Variants in PAK5 observed in about 807,000 individuals in gnomAD.
PAK5 encodes the protein p21 (RAC1) activated kinase 5, also known as serine/threonine-protein kinase PAK 5.
A neutral mutation model predicts 65.9 loss-of-function variants in PAK5; 16 were observed. The ratio of observed to expected loss-of-function variants is 0.24; its 90% CI spans 0.16 to 0.37. The LOEUF is 0.37. Ranked by LOEUF, PAK5 falls within the 10% of genes least tolerant of loss-of-function variation. PAK5 has a pLI of 1.00. For synonymous variants in PAK5, 371 were observed against 354.9 expected, an observed-to-expected ratio of 1.05 and a Z score of -0.51; for missense variants, 785 against 903.9, an observed-to-expected ratio of 0.87 and a Z score of 1.69.
intron 3 of PAK5, among the ~76,000 whole-genome samples, chr20:9,641,104 A>G (rs574998527): frequency 6.6e-6 from 1 of 152,218 alleles, no homozygotes; most frequent in Admixed American, 6.5e-5. Context: ...TCCCTGAGCT[A>G]GATACAAAGG....
At chr20:9,549,064 T>C (rs961928943) in intron 7 of PAK5, among the ~76,000 whole-genome samples, 1 of 152,152 alleles carries the variant, frequency 6.6e-6, no homozygotes, top group African/African-American at 2.4e-5. Flanking sequence ...GTAGTTGTGA[T>C]ACGTGGTCCA....
At position 9,539,586 on chromosome 20, in the gene PAK5, A is replaced by G; in HGVS notation, c.2036T>C (p.Leu679Ser). 6 of 1,613,620 alleles carry G rather than the reference A, an allele frequency of 3.7e-6. No individual in the cohort carries two copies. Among genetic ancestry groups the G allele is most frequent in the South Asian group, 1.1e-5 (1 of 91,058 alleles). ...CTGAGAGGGCTCCCTCACCAACATC[A>G]AGTCTAGGAATCCCCGGAGCACTGA... The part of the protein sequence containing the change: ...VSSVLRGFLD[L>S]MLVREPSQRA... The change falls in exon 10 of 10, where the codon TTG (leucine) becomes TCG (serine). Residue 679 changes from leucine (L) to serine (S), a missense_variant. By Grantham distance (145) the Leu-to-Ser change is moderately radical. This residue lies in a region of PAK5 where 110 missense variants were observed against 107.4 expected (regional missense o/e 1.02). Coordinates refer to ENST00000353224, the MANE Select transcript of PAK5 (RefSeq NM_177990.4).
chr20:9,574,065 C>T (rs2045841622), intron 4 of PAK5, among the ~76,000 whole-genome samples: 3 of 152,158 alleles, frequency 2.0e-5, no homozygotes, highest in South Asian at 2.1e-4. Flanking sequence ...TTTAACAGGA[C>T]CAGGCTTGGC....
intron 2 of PAK5, among the ~76,000 whole-genome samples, chr20:9,677,818 A>G (rs547261294): frequency 2.0e-5 from 3 of 152,372 alleles, no homozygotes; most frequent in East Asian, 3.9e-4. Flanking sequence ...AGGACAGTAT[A>G]GTGGCTTTCT....
At chr20:9,544,534 A>G (rs1349562883) in intron 7 of PAK5, 40 bp from the exon 8 acceptor site, 1 of 1,596,986 alleles carries the variant, frequency 6.3e-7, no homozygotes, top group East Asian at 2.2e-5. Context: ...CAATTTTAAA[A>G]CAATGTCTGC....
At chr20:9,593,957 G>C (rs2046219758) in intron 3 of PAK5, among the ~76,000 whole-genome samples, 2 of 152,156 alleles carry the variant, frequency 1.3e-5, no homozygotes, top group South Asian at 2.1e-4. Flanking sequence ...TAACCTGTAG[G>C]AAAGGCTAAG....
At chr20:9,618,121 C>G (rs192421457) in intron 3 of PAK5, among the ~76,000 whole-genome samples, 16 of 152,198 alleles carry the variant, frequency 1.1e-4, no homozygotes, top group African/African-American at 3.4e-4. Context: ...TAATGTGGCT[C>G]TCACACAACT....
At chr20:9,559,686 C>G (rs2045563647) in intron 6 of PAK5, among the ~76,000 whole-genome samples, 1 of 152,048 alleles carries the variant, frequency 6.6e-6, no homozygotes, top group South Asian at 2.1e-4. Context: ...TTGCTTGAAC[C>G]TGGGAGGCAG....
chr20:9,792,713 G>T (rs2049062604), intron 1 of PAK5, among the ~76,000 whole-genome samples: 1 of 152,130 alleles, frequency 6.6e-6, no homozygotes, highest in Non-Finnish European at 1.5e-5. Context: ...TTTCAGAGAT[G>T]ACTGATATTC....
chr20:9,768,312 T>C (rs114375659), intron 1 of PAK5, among the ~76,000 whole-genome samples: 3,824 of 151,940 alleles, frequency 0.025, 159 homozygotes, highest in African/African-American at 0.086. Context: ...CACATGGACA[T>C]AAACATAGGA....
intron 9 of PAK5, among the ~76,000 whole-genome samples, chr20:9,541,521 C>T (rs2045263211): frequency 6.6e-6 from 1 of 152,208 alleles, no homozygotes; most frequent in African/African-American, 2.4e-5. Flanking sequence ...CCCTTTCTGA[C>T]TTTACTCCAG....
chr20:9,568,088 G>A (rs1212863175), intron 4 of PAK5, among the ~76,000 whole-genome samples: 1 of 152,166 alleles, frequency 6.6e-6, no homozygotes, highest in Non-Finnish European at 1.5e-5. Flanking sequence ...CCGAGAAGCT[G>A]CCGGGGGACA....
chr20:9,538,027 G>T lies in PAK5; in HGVS notation c.*1435C>A, dbSNP rs1401816243. Reference sequence around the variant, plus strand: ...GAAAAGCCTCTGTTTTCCCAGTTTGGTAACAAATGGCTTTTGTCTGATGCA... The same window carrying T: ...GAAAAGCCTCTGTTTTCCCAGTTTGTTAACAAATGGCTTTTGTCTGATGCA... On this transcript the variant is annotated 3_prime_UTR_variant, in exon 10 of 10. Transcript: ENST00000353224. 1.7e-5 allele frequency: 4 copies of T among 232,610 alleles called. No homozygotes were observed. The highest frequency in any genetic ancestry group is 8.8e-5 in the African/African-American group (4 of 45,384). 14.4% of individuals were successfully genotyped at this position (232,610 alleles called of 1,614,324 possible).
rs554142396 is a variant in PAK5, at chr20:9,632,164, T to G, written c.204+11961A>C. 5.9e-5 allele frequency among the ~76,000 whole-genome samples: 9 copies of G among 152,284 alleles called. No homozygotes were observed. The South Asian group carries it at 1.5e-3, about 25-fold the overall frequency. The stretch of plus-strand genomic sequence containing the variant: ...GAGCTGGGGAAAAGAAGATGTCCCC[T>G]AGAATATCATTTCACATTATATAGA... On this transcript the variant is annotated intron_variant, in intron 3 of 9. Coordinates refer to ENST00000353224, the MANE Select transcript of PAK5 (RefSeq NM_177990.4).
At chr20:9,817,588 T>C (rs1600406655) in intron 1 of PAK5, among the ~76,000 whole-genome samples, 3 of 152,072 alleles carry the variant, frequency 2.0e-5, no homozygotes, top group Non-Finnish European at 1.5e-5. Context: ...AAAAAATATG[T>C]AGAAAGTAAA....
intron 6 of PAK5, among the ~76,000 whole-genome samples, chr20:9,561,756 C>T (rs985905271): frequency 1.3e-5 from 2 of 152,212 alleles, no homozygotes; most frequent in Admixed American, 1.3e-4. Context: ...AATACCTCTT[C>T]CTCATGACAA....
At chr20:9,798,922 T>C (rs1054493973) in intron 1 of PAK5, among the ~76,000 whole-genome samples, 3 of 152,140 alleles carry the variant, frequency 2.0e-5, no homozygotes, top group African/African-American at 7.2e-5. Flanking sequence ...AGCAATATTT[T>C]TTAACAAGAT....
intron 1 of PAK5, among the ~76,000 whole-genome samples, chr20:9,751,257 C>A (rs1317113126): frequency 6.6e-6 from 1 of 152,094 alleles, no homozygotes; most frequent in Non-Finnish European, 1.5e-5. Flanking sequence ...CATTTAGATG[C>A]TTTCCATCTC....
At chr20:9,603,950 T>A (rs763324110) in intron 3 of PAK5, among the ~76,000 whole-genome samples, 1 of 152,216 alleles carries the variant, frequency 6.6e-6, no homozygotes. Flanking sequence ...CTGACAGTTG[T>A]GTTAAGAGCT....
Sources: allele counts gnomAD v4.1 joint callset (sites outside exome capture counted in the v4.1 genomes callset), GRCh38; gene constraint gnomAD v4.1.1; regional missense constraint gnomAD v4.1.1; transcripts MANE v1.5; gene names NCBI Gene and HGNC (gene_info 2026-07-23, HGNC 2026-07-21).